Variants in TCF12 observed in about 807,000 individuals in gnomAD.
TCF12 encodes the protein transcription factor 12.
A neutral mutation model predicts 86.0 loss-of-function variants in TCF12; 45 were observed. That is an observed-to-expected ratio of 0.52 (90% CI 0.41 to 0.67). The LOEUF is 0.67. TCF12 is among the 30% of genes least tolerant of loss of function. TCF12 has a pLI of 0.00. For missense variants in TCF12, 881 were observed against 859.9 expected (o/e 1.02, Z -0.31); for synonymous variants, 330 against 299.6 (o/e 1.10, Z -1.05).
chr15:57,058,347 A>G (rs1411695377), intron 3 of TCF12, among the ~76,000 whole-genome samples: 2 of 152,232 alleles, frequency 1.3e-5, no homozygotes, highest in Non-Finnish European at 2.9e-5. Context: ...TAACAATAAT[A>G]TAGCAAAATC....
Position 57,192,436 on chromosome 15 carries a change from A to G in TCF12, c.526+143A>G, listed in dbSNP as rs372079626. The G allele has an allele frequency of 1.6e-5, 19 of 1,200,528 alleles. No individual in the cohort carries two copies. In the African/African-American group the frequency reaches 1.7e-4, roughly 11 times the overall value. The allele number at this position is 1,200,528 out of a possible 1,614,324, so 74.4% of individuals were successfully genotyped here. The stretch of plus-strand genomic sequence containing the variant: ...CAGCGTCTCACTCTGTTACCCATGC[A>G]GGAATGCAACAGCACAATCTTGGCT... On this transcript the variant is annotated intron_variant, in intron 7 of 20. Coordinates refer to ENST00000333725, the MANE Select transcript of TCF12 (RefSeq NM_207037.2).
intron 3 of TCF12, among the ~76,000 whole-genome samples, chr15:57,010,619 T>C (rs1013021559): frequency 6.6e-6 from 1 of 152,180 alleles, no homozygotes; most frequent in Non-Finnish European, 1.5e-5. Context: ...GGAAGCTTTT[T>C]TCCTGCTCCT....
chr15:57,227,725 A>C (rs948224291), intron 8 of TCF12, among the ~76,000 whole-genome samples: 1 of 152,078 alleles, frequency 6.6e-6, no homozygotes, highest in Non-Finnish European at 1.5e-5. Context: ...CCATTCTTAG[A>C]GGGGAAAGTA....
intron 3 of TCF12, among the ~76,000 whole-genome samples, chr15:57,047,493 A>G (rs1021462082): frequency 9.9e-5 from 15 of 152,236 alleles, no homozygotes; most frequent in African/African-American, 3.1e-4. Flanking sequence ...GATTCTTAAT[A>G]TAAGAAATTG....
chr15:57,151,181 A>G lies in TCF12; in HGVS notation c.326-15221A>G, dbSNP rs539211256. Among the ~76,000 whole-genome samples, 165 of 129,794 alleles carry G rather than the reference A, an allele frequency of 1.3e-3. 1 individual carries two copies. The highest frequency in any genetic ancestry group is 4.5e-3 in the African/African-American group (156 of 34,296). The allele number at this position is 129,794 out of a possible 152,430, so 85.1% of individuals were successfully genotyped here. On this transcript the variant is annotated intron_variant, in intron 5 of 20. Coordinates refer to ENST00000333725, the MANE Select transcript of TCF12 (RefSeq NM_207037.2). ...TTTTTTTTAGAGACAGGGTCTTACTATGTTGCCCAGGCTGGTCTTAAACTC... is the reference window on the plus strand; with the variant it reads ...TTTTTTTTAGAGACAGGGTCTTACTGTGTTGCCCAGGCTGGTCTTAAACTC...
intron 5 of TCF12, among the ~76,000 whole-genome samples, chr15:57,126,669 C>T (rs912163278): frequency 6.6e-6 from 1 of 152,158 alleles, no homozygotes; most frequent in Non-Finnish European, 1.5e-5. Flanking sequence ...CCTGCATCTA[C>T]CAATCTTGGT....
At chr15:57,197,396 G>T (rs181053188) in intron 7 of TCF12, among the ~76,000 whole-genome samples, 1 of 152,156 alleles carries the variant, frequency 6.6e-6, no homozygotes, top group East Asian at 1.9e-4. Flanking sequence ...GACCTCAGGT[G>T]ATCCGCCCAC....
At chr15:57,269,077 C>G (rs2061001676) in intron 18 of TCF12, among the ~76,000 whole-genome samples, 1 of 152,018 alleles carries the variant, frequency 6.6e-6, no homozygotes, top group Admixed American at 6.6e-5. Context: ...CCTGGATATC[C>G]TTGTTAATTT....
intron 3 of TCF12, among the ~76,000 whole-genome samples, chr15:56,992,593 A>G (rs1252153042): frequency 6.6e-6 from 1 of 152,200 alleles, no homozygotes; most frequent in African/African-American, 2.4e-5. Flanking sequence ...ACATTATGCC[A>G]TTGTGAATTT....
intron 3 of TCF12, among the ~76,000 whole-genome samples, chr15:56,957,580 T>C (rs2140515437): frequency 6.6e-6 from 1 of 152,334 alleles, no homozygotes; most frequent in Non-Finnish European, 1.5e-5. Context: ...TTATATCTTC[T>C]ATGTCTCTAA....
intron 3 of TCF12, among the ~76,000 whole-genome samples, chr15:57,015,267 G>A (rs1226060781): frequency 6.6e-6 from 1 of 152,158 alleles, no homozygotes; most frequent in Non-Finnish European, 1.5e-5. Context: ...CAGCCTGGGC[G>A]ATAGAGCCAG....
intron 3 of TCF12, among the ~76,000 whole-genome samples, chr15:56,977,991 C>T (rs1202497496): frequency 6.6e-6 from 1 of 151,922 alleles, no homozygotes; most frequent in Non-Finnish European, 1.5e-5. Context: ...ACAACCGCTG[C>T]ACAATAATTA....
At chr15:56,987,945 A>G (rs2063273075) in intron 3 of TCF12, among the ~76,000 whole-genome samples, 1 of 152,220 alleles carries the variant, frequency 6.6e-6, no homozygotes, top group African/African-American at 2.4e-5. Flanking sequence ...CTAATCATTC[A>G]GTGTAAACCT....
intron 6 of TCF12, among the ~76,000 whole-genome samples, chr15:57,182,831 C>T (rs555324383): frequency 1.3e-5 from 2 of 152,142 alleles, no homozygotes; most frequent in African/African-American, 2.4e-5. Flanking sequence ...AAAAAATCTG[C>T]CAATATGTGT....
At chr15:57,108,337 A>G (rs898015173) in intron 5 of TCF12, among the ~76,000 whole-genome samples, 4 of 152,066 alleles carry the variant, frequency 2.6e-5, no homozygotes, top group African/African-American at 7.2e-5. Flanking sequence ...CGTACCCCCA[A>G]CCCTAGAGGC....
chr15:57,201,187 C>T (rs1416530371), intron 8 of TCF12, among the ~76,000 whole-genome samples: 1 of 151,742 alleles, frequency 6.6e-6, no homozygotes, highest in African/African-American at 2.4e-5. Context: ...TAGAATAATG[C>T]TTGGACACCG....
chr15:57,067,972 G>T (rs898275331), intron 4 of TCF12, among the ~76,000 whole-genome samples: 2 of 152,128 alleles, frequency 1.3e-5, no homozygotes, highest in African/African-American at 4.8e-5. Context: ...GGTGTACCAG[G>T]CATAAAGGCC....
At chr15:57,172,056 C>T (rs940468827) in intron 6 of TCF12, among the ~76,000 whole-genome samples, 2 of 152,090 alleles carry the variant, frequency 1.3e-5, no homozygotes, top group African/African-American at 4.8e-5. Flanking sequence ...CTGTACCTTA[C>T]TTAACTCTTA....
intron 18 of TCF12, among the ~76,000 whole-genome samples, chr15:57,266,591 G>A (rs1337897128): frequency 6.6e-6 from 1 of 152,130 alleles, no homozygotes; most frequent in Non-Finnish European, 1.5e-5. Context: ...GTATGAAAAA[G>A]GAAATATTCT....
Sources: allele counts gnomAD v4.1 joint callset (sites outside exome capture counted in the v4.1 genomes callset), GRCh38; gene constraint gnomAD v4.1.1; transcripts MANE v1.5; gene names NCBI Gene and HGNC (gene_info 2026-07-23, HGNC 2026-07-21).